Variants in UMAD1 observed in about 807,000 individuals in gnomAD.
The protein encoded by UMAD1 is UBAP1-MVB12-associated (UMA) domain containing 1.
Under a neutral mutation model 6.1 loss-of-function variants are expected in UMAD1, and 8 were observed. That is an observed-to-expected ratio of 1.30 (90% CI 0.76 to 2.35). The LOEUF (loss-of-function observed/expected upper bound fraction) is 2.35, where lower values mean the gene tolerates loss of function less well. Ranked by LOEUF, UMAD1 falls within the 30% of genes most tolerant of loss-of-function variation. The pLI, the probability that UMAD1 is intolerant of heterozygous loss-of-function variation, is 0.00. For missense variants in UMAD1, 130 were observed against 78.4 expected (o/e 1.66, Z -2.49); for synonymous variants, 56 against 31.4 (o/e 1.78, Z -2.61).
At chr7:7,823,354 T>C (rs1255050001) in intron 3 of UMAD1, among the ~76,000 whole-genome samples, 1 of 152,178 alleles carries the variant, frequency 6.6e-6, no homozygotes, top group Non-Finnish European at 1.5e-5. Flanking sequence ...CAATAAATAA[T>C]TTTTTAGTAT....
intron 1 of UMAD1, among the ~76,000 whole-genome samples, chr7:7,655,039 G>A (rs1785309073): frequency 6.6e-6 from 1 of 152,086 alleles, no homozygotes; most frequent in African/African-American, 2.4e-5. Flanking sequence ...TAGTAATTCT[G>A]GATTATGTAA....
At chr7:7,814,069 C>G (rs531212195) in intron 3 of UMAD1, among the ~76,000 whole-genome samples, 2 of 151,990 alleles carry the variant, frequency 1.3e-5, no homozygotes, top group Non-Finnish European at 2.9e-5. Flanking sequence ...CTGCAACTTC[C>G]GCCTCCCAGG....
At chr7:7,797,079 A>T (rs369685085) in intron 2 of UMAD1, among the ~76,000 whole-genome samples, 1 of 152,190 alleles carries the variant, frequency 6.6e-6, no homozygotes, top group African/African-American at 2.4e-5. Flanking sequence ...GCTCTACAGG[A>T]AGCATGATGC....
chr7:7,820,021 T>A (rs539906765), intron 3 of UMAD1, among the ~76,000 whole-genome samples: 1 of 152,190 alleles, frequency 6.6e-6, no homozygotes, highest in South Asian at 2.1e-4. Flanking sequence ...TGACTAACTT[T>A]GGGGTTGAAG....
chr7:7,857,958 A>G (rs558236890), intron 3 of UMAD1, among the ~76,000 whole-genome samples: 34 of 152,202 alleles, frequency 2.2e-4, no homozygotes, highest in Non-Finnish European at 4.1e-4. Flanking sequence ...ATGAAGTGAA[A>G]TGTCCTTATA....
intron 2 of UMAD1, among the ~76,000 whole-genome samples, chr7:7,678,776 A>AAT (rs373685552): frequency 0.076 from 1,088 of 14,344 alleles, 1 homozygote; most frequent in East Asian, 0.22. Flanking sequence ...TTAGTTTATA[A>AAT]ATATATTTAT....
At chr7:7,776,498 G>A (rs933020633) in intron 2 of UMAD1, among the ~76,000 whole-genome samples, 11 of 152,114 alleles carry the variant, frequency 7.2e-5, no homozygotes, top group Admixed American at 2.0e-4. Flanking sequence ...ACTAGGTGAC[G>A]GGCACACAGG....
chr7:7,708,610 GAC>G (rs1174115766), intron 2 of UMAD1, among the ~76,000 whole-genome samples: 1 of 152,122 alleles, frequency 6.6e-6, no homozygotes, highest in African/African-American at 2.4e-5. Context: ...GTCCTTTTGG[GAC>G]AGACCTCAAA....
At chr7:7,642,813 A>G (rs1335309954) in intron 1 of UMAD1, among the ~76,000 whole-genome samples, 1 of 152,188 alleles carries the variant, frequency 6.6e-6, no homozygotes, top group Non-Finnish European at 1.5e-5. Flanking sequence ...CTACAGCCAT[A>G]AGTAAACACT....
intron 3 of UMAD1, among the ~76,000 whole-genome samples, chr7:7,847,099 AAAAAAATAT>A (rs1406466983): frequency 1.8e-4 from 8 of 44,538 alleles, no homozygotes; most frequent in South Asian, 7.3e-4. Flanking sequence ...AAAAAAAAAA[AAAAAAATAT>A]ATATATATAT....
intron 2 of UMAD1, among the ~76,000 whole-genome samples, chr7:7,777,169 T>G (rs774581419): frequency 2.0e-4 from 30 of 152,148 alleles, no homozygotes; most frequent in Non-Finnish European, 4.0e-4. Flanking sequence ...TTTACTGATC[T>G]CCTGTCTAGC....
Position 7,668,354 on chromosome 7 carries a change from G to T in UMAD1, c.-63-4955G>T, listed in dbSNP as rs572771599. On this transcript the variant is annotated intron_variant, in intron 1 of 3. Coordinates refer to ENST00000682710, the MANE Select transcript of UMAD1 (RefSeq NM_001302348.2). ...TTTTTTACTGTTTCAGTTACTTATG[G>T]CAACTAAGTAAAAAAATTTATGAGT... Among the ~76,000 whole-genome samples, 28 of 152,086 alleles carry T rather than the reference G, an allele frequency of 1.8e-4. No homozygotes were observed. In the South Asian group the frequency reaches 3.9e-3, roughly 21 times the overall value.
At chr7:7,703,755 C>G (rs114324949) in intron 2 of UMAD1, among the ~76,000 whole-genome samples, 1 of 152,034 alleles carries the variant, frequency 6.6e-6, no homozygotes, top group Non-Finnish European at 1.5e-5. Flanking sequence ...GCCTGGGCAA[C>G]GTGGCGAAAC....
intron 3 of UMAD1, among the ~76,000 whole-genome samples, chr7:7,832,328 A>T (rs1210320829): frequency 6.6e-6 from 1 of 151,344 alleles, no homozygotes; most frequent in East Asian, 1.9e-4. Context: ...TTCTTTTGGA[A>T]TTTTTTTTTC....
intron 2 of UMAD1, among the ~76,000 whole-genome samples, chr7:7,748,729 A>G (rs1262195990): frequency 3.9e-5 from 6 of 151,982 alleles, no homozygotes; most frequent in Admixed American, 3.9e-4. Context: ...TAGTACATTT[A>G]TAGACATATA....
chr7:7,778,268 G>C (rs886805354), intron 2 of UMAD1, among the ~76,000 whole-genome samples: 2 of 139,672 alleles, frequency 1.4e-5, no homozygotes, highest in African/African-American at 2.8e-5. Context: ...GTGTGTGTGT[G>C]TGTGTGTGAG....
chr7:7,743,211 G>A (rs1781508338), intron 2 of UMAD1, among the ~76,000 whole-genome samples: 1 of 152,150 alleles, frequency 6.6e-6, no homozygotes, highest in African/African-American at 2.4e-5. Flanking sequence ...TTACAAGTAA[G>A]TTGCTTTAAA....
At chr7:7,710,271 A>G (rs1001720533) in intron 2 of UMAD1, among the ~76,000 whole-genome samples, 1 of 152,204 alleles carries the variant, frequency 6.6e-6, no homozygotes, top group Non-Finnish European at 1.5e-5. Context: ...AAAACAAAAC[A>G]CCTTGATCTG....
At chr7:7,796,175 C>G (rs528929721) in intron 2 of UMAD1, among the ~76,000 whole-genome samples, 1 of 150,322 alleles carries the variant, frequency 6.7e-6, no homozygotes, top group African/African-American at 2.5e-5. Context: ...AACAGGAATT[C>G]TGAACAGAAA....
Sources: allele counts gnomAD v4.1 joint callset (sites outside exome capture counted in the v4.1 genomes callset), GRCh38; gene constraint gnomAD v4.1.1; transcripts MANE v1.5; gene names NCBI Gene and HGNC (gene_info 2026-07-23, HGNC 2026-07-21).